The following STK32B variants were observed in gnomAD, a reference collection of about 807,000 sequenced individuals.
STK32B encodes the protein serine/threonine kinase 32B, also known as serine/threonine-protein kinase 32B.
STK32B carries 43 observed loss-of-function variants against 52.6 expected under a neutral mutation model. The ratio of observed to expected loss-of-function variants is 0.82; its 90% CI spans 0.64 to 1.05. The LOEUF (loss-of-function observed/expected upper bound fraction) is 1.05, where lower values mean the gene tolerates loss of function less well. Ranked by LOEUF, STK32B falls within the 50% of genes least tolerant of loss-of-function variation. STK32B has a pLI of 0.00. For missense variants in STK32B, 621 were observed against 534.6 expected (o/e 1.16, Z -1.59); for synonymous variants, 238 against 204.3 (o/e 1.17, Z -1.41).
chr4:5,046,996 C>T (rs1741631258), upstream of STK32B, among the ~76,000 whole-genome samples: 1 of 151,958 alleles, frequency 6.6e-6, no homozygotes, highest in African/African-American at 2.4e-5. Context: ...GGGTATATAC[C>T]CAAAGGAATA....
At chr4:5,377,371 G>T (rs1203302094) in intron 4 of STK32B, among the ~76,000 whole-genome samples, 1 of 152,180 alleles carries the variant, frequency 6.6e-6, no homozygotes, top group Non-Finnish European at 1.5e-5. Flanking sequence ...TTAGAGAAAT[G>T]GTTCCCAATT....
chr4:5,399,333 A>G lies in STK32B; in HGVS notation c.472+1089A>G, dbSNP rs1488313484. ...TTCCCCACCTCTGCAGGCTGAGGTC[A>G]TGGTTCTATCTCAGAGCTCCTCTCG... is the stretch of plus-strand genomic sequence containing the variant. On this transcript the variant is annotated intron_variant, in intron 5 of 11. Coordinates refer to ENST00000282908, the MANE Select transcript of STK32B (RefSeq NM_018401.3). The surrounding 1 kb of genome is among the most constrained non-coding windows in gnomAD (Gnocchi z 5.4). 6.6e-6 allele frequency among the ~76,000 whole-genome samples: 1 copy of G among 152,098 alleles called. No homozygotes were observed. Among genetic ancestry groups the G allele is most frequent in the Non-Finnish European group, 1.5e-5 (1 of 68,020 alleles).
intron 4 of STK32B, among the ~76,000 whole-genome samples, chr4:5,375,736 T>A (rs1341745917): frequency 2.0e-5 from 3 of 152,182 alleles, no homozygotes; most frequent in Admixed American, 2.0e-4. Flanking sequence ...AAGGTTTTCC[T>A]CAAATGTCTA....
At chr4:5,324,841 C>G (rs1228109065) in intron 3 of STK32B, among the ~76,000 whole-genome samples, 1 of 152,154 alleles carries the variant, frequency 6.6e-6, no homozygotes, top group Non-Finnish European at 1.5e-5. Flanking sequence ...GGGACTTGTC[C>G]TAACATGACG....
At chr4:5,040,503 C>T in the STK32B span, among the ~76,000 whole-genome samples, 1 of 151,114 alleles carries the variant, frequency 6.6e-6, no homozygotes, top group African/African-American at 2.4e-5. Flanking sequence ...AAGCAATTCT[C>T]CTACCTCAGC....
Position 5,500,416 on chromosome 4 carries a change from T to G in STK32B, c.*1333T>G, listed in dbSNP as rs1340401727. ...CGTCATCATTATTTAGATACTTTCT[T>G]CCTTCACTCACCCAGCAGGTCAGTT... On this transcript the variant is annotated 3_prime_UTR_variant, in exon 12 of 12. Coordinates refer to ENST00000282908, the MANE Select transcript of STK32B (RefSeq NM_018401.3). 1.3e-5 allele frequency: 2 copies of G among 152,196 alleles called. No individual in the cohort carries two copies. Among genetic ancestry groups the G allele is most frequent in the Non-Finnish European group, 2.9e-5 (2 of 68,050 alleles). 9.4% of individuals were successfully genotyped at this position (152,196 alleles called of 1,614,324 possible).
At chr4:5,140,120 C>A in intron 2 of STK32B, 160 bp downstream of exon 2, 2 of 1,396,750 alleles carry the variant, frequency 1.4e-6, no homozygotes, top group Non-Finnish European at 2.0e-6. Context: ...TCCTTGCGAT[C>A]TGGTGTAATT....
intron 3 of STK32B, among the ~76,000 whole-genome samples, chr4:5,293,205 G>T (rs1430226894): frequency 6.6e-6 from 1 of 151,922 alleles, no homozygotes; most frequent in Non-Finnish European, 1.5e-5. Flanking sequence ...TGGGCTTTTG[G>T]GTTGGTTCCA....
chr4:5,054,145 C>A (rs1044368579), intron 1 of STK32B, among the ~76,000 whole-genome samples: 1 of 152,166 alleles, frequency 6.6e-6, no homozygotes, highest in Non-Finnish European at 1.5e-5. Context: ...CCAACCGACT[C>A]ATTTATTTCG....
rs1165522833 is a variant in STK32B at position 5,051,775 on chromosome 4, C to T, written c.-89C>T. The T allele has an allele frequency of 4.6e-6, 7 of 1,531,496 alleles. No individual in the cohort carries two copies. Among genetic ancestry groups the T allele is most frequent in the East Asian group, 2.5e-5 (1 of 40,058 alleles). 94.9% of individuals were successfully genotyped at this position (1,531,496 alleles called of 1,614,324 possible). A position where few individuals can be genotyped will look rare whatever the true frequency, so the allele number is the denominator to read the frequency against. ...GGCTACAACCCGGACTGGGCGCGCC[C>T]CCGGCATCCCGCATCTCTGCGCGCG... On this transcript the variant is annotated 5_prime_UTR_variant, in exon 1 of 12. Coordinates refer to ENST00000282908, the MANE Select transcript of STK32B (RefSeq NM_018401.3).
At chr4:5,464,665 T>A (rs7688517) in intron 9 of STK32B, among the ~76,000 whole-genome samples, 1 of 152,044 alleles carries the variant, frequency 6.6e-6, no homozygotes, top group Admixed American at 6.5e-5. Context: ...TTTGTGTGAC[T>A]TATCTTGTGT....
At chr4:5,339,084 C>T (rs1294852142) in intron 4 of STK32B, among the ~76,000 whole-genome samples, 3 of 152,182 alleles carry the variant, frequency 2.0e-5, no homozygotes, top group Admixed American at 2.0e-4. Context: ...TCCATCTTCT[C>T]CTGTCCTCAG....
chr4:5,471,941 C>CGGGG (rs1560442939), intron 11 of STK32B, among the ~76,000 whole-genome samples: 1 of 152,172 alleles, frequency 6.6e-6, no homozygotes, highest in African/African-American at 2.4e-5. Context: ...GGGATGCTCC[C>CGGGG]GGGGGCCTTA....
chr4:5,171,820 A>T (rs1560195772), intron 3 of STK32B, among the ~76,000 whole-genome samples: 2 of 150,696 alleles, frequency 1.3e-5, no homozygotes, highest in Non-Finnish European at 3.0e-5. Context: ...TGAACTTTAA[A>T]GTAGTTTTTT....
intron 6 of STK32B, among the ~76,000 whole-genome samples, chr4:5,430,032 TATG>T (rs1713437696): frequency 6.6e-6 from 1 of 152,180 alleles, no homozygotes; most frequent in South Asian, 2.1e-4. Flanking sequence ...TGATTTTAGA[TATG>T]ATGTACCAAG....
intron 3 of STK32B, among the ~76,000 whole-genome samples, chr4:5,243,555 T>C (rs1560253512): frequency 1.3e-5 from 2 of 152,190 alleles, no homozygotes; most frequent in South Asian, 2.1e-4. Flanking sequence ...CTTTTCCTAA[T>C]TGAATGCCCC....
chr4:5,317,060 G>GATATAATATATTATATATTATAT, intron 3 of STK32B, among the ~76,000 whole-genome samples: 1 of 25,258 alleles, frequency 4.0e-5, no homozygotes, highest in Non-Finnish European at 5.5e-5. Context: ...TAATATATAT[G>GATATAATATATTATATATTATAT]ATATAATATA....
At position 5,306,971 on chromosome 4, in the gene STK32B, C is replaced by T. The variant is rs182821952; in HGVS notation, c.261-24249C>T. ...AGGAGGCTAAAGATAGGACCCCAAT[C>T]CCTTCTAGCTTGTATGATTTCTGCT... On this transcript the variant is annotated intron_variant, in intron 3 of 11. Coordinates refer to ENST00000282908, the MANE Select transcript of STK32B (RefSeq NM_018401.3). Among the ~76,000 whole-genome samples the T allele has an allele frequency of 5.9e-5, 9 of 152,280 alleles. No homozygotes were observed. In the East Asian group the frequency reaches 1.5e-3, roughly 26 times the overall value.
chr4:5,040,388 ATTTTTTTT>A, the STK32B span, among the ~76,000 whole-genome samples: 763 of 118,684 alleles, frequency 6.4e-3, no homozygotes, highest in East Asian at 0.049. Flanking sequence ...TGGCAGTAGA[ATTTTTTTT>A]TTTTTTTTTT....
Sources: gnomAD v4.1 joint callset for allele counts (sites outside exome capture counted in the v4.1 genomes callset) on GRCh38, gnomAD v4.1.1 for gene constraint, Gnocchi (gnomAD v3.1) non-coding constraint, MANE v1.5 for transcripts, NCBI Gene and HGNC (gene_info 2026-07-23, HGNC 2026-07-21) for gene names.